ADGRG2: variants seen among roughly 807,000 people sequenced by gnomAD.
ADGRG2 encodes adhesion G protein-coupled receptor G2.
Under a neutral mutation model 74.1 loss-of-function variants are expected in ADGRG2, and 26 were observed. That is an observed-to-expected ratio of 0.35 (90% CI 0.26 to 0.49). The LOEUF (loss-of-function observed/expected upper bound fraction) is 0.49, where lower values mean the gene tolerates loss of function less well. ADGRG2 is among the 20% of genes least tolerant of loss of function. The pLI is 0.99. For synonymous variants in ADGRG2, 296 were observed against 295.2 expected, an observed-to-expected ratio of 1.00 and a Z score of -0.03; for missense variants, 619 against 763.1, an observed-to-expected ratio of 0.81 and a Z score of 2.22.
At chrX:19,114,450 TATTGATTTATCAAGCTCCCCC>T (rs908948167) in intron 1 of ADGRG2, among the ~76,000 whole-genome samples, 1 of 111,425 alleles carries the variant, frequency 9.0e-6, no homozygotes, top group Non-Finnish European at 1.9e-5. Flanking sequence ...TGGACATCGG[TATTGATTTATCAAGCTCCCCC>T]AGTGATTCCA....
rs1398588452 is a variant in ADGRG2, at chrX:19,013,800, T to C, written c.985A>G (p.Met329Val). ...GTGCCGGAGACATGGGTTTGGGGCA[T>C]AGGGGAAGAGATCGTTTCAGACTGT... ...PPQSETISSPMPQTHVSGTPP... is the reference protein window; with the variant it reads ...PPQSETISSPVPQTHVSGTPP... Residue 329 changes from methionine to valine, a missense_variant, in exon 16 of 29, where the codon ATG (methionine) becomes GTG (valine). Around this residue, in one of 3 missense-constraint regions of ADGRG2, gnomAD observed 292 missense variants for 318.0 expected, o/e 0.92. Transcript: ENST00000379869. 56 of 1,197,025 alleles carry C rather than the reference T, an allele frequency of 4.7e-5. No individual in the cohort carries two copies. Among genetic ancestry groups the C allele is most frequent in the Non-Finnish European group, 6.2e-5 (55 of 889,258 alleles).
chrX:19,033,875 C>T (rs1172473711), intron 7 of ADGRG2: 14 of 290,738 alleles, frequency 4.8e-5, no homozygotes, highest in East Asian at 4.4e-4. Context: ...TCCATGTTTA[C>T]GCAGTTAGAT....
Position 19,061,208 on chromosome X carries a change from C to T in ADGRG2, c.118+7509G>A, listed in dbSNP as rs143814560. Among the ~76,000 whole-genome samples, 443 of 111,297 alleles carry T rather than the reference C, an allele frequency of 4.0e-3. 2 individuals carry two copies. The highest frequency in any genetic ancestry group is 0.014 in the African/African-American group (416 of 30,308). ...ACACTGTATCAGAACTGACTGGGTT[C>T]GGATGAGCATAGTACTGCTGATGTA... On this transcript the variant is annotated intron_variant, in intron 3 of 28. Transcript: ENST00000379869.
intron 2 of ADGRG2, among the ~76,000 whole-genome samples, chrX:19,076,442 A>G (rs2061748722): frequency 9.0e-6 from 1 of 111,350 alleles, no homozygotes; most frequent in African/African-American, 3.3e-5. Context: ...TAGGGGTAGT[A>G]CTCTCTACTG....
intron 2 of ADGRG2, among the ~76,000 whole-genome samples, chrX:19,076,477 T>C (rs1872307209): frequency 9.0e-6 from 1 of 111,634 alleles, no homozygotes; most frequent in Non-Finnish European, 1.9e-5. Context: ...ACTTTTACTA[T>C]ATAAAACAGT....
chrX:19,036,450 T>C (rs1312134591), intron 6 of ADGRG2: 1 of 111,750 alleles, frequency 8.9e-6, no homozygotes, highest in Non-Finnish European at 1.9e-5. Context: ...ATGACCATTA[T>C]ATTCGACTAA....
chrX:19,006,306 AC>A, intron 20 of ADGRG2, 41 bp from the exon 21 acceptor site: 1 of 914,364 alleles, frequency 1.1e-6, no homozygotes, highest in Non-Finnish European at 1.5e-6. Flanking sequence ...AATTTACTGA[AC>A]TAAAAAAAAA....
At chrX:19,099,189 G>GT (rs2062148164) in intron 1 of ADGRG2, among the ~76,000 whole-genome samples, 1 of 106,797 alleles carries the variant, frequency 9.4e-6, no homozygotes, top group Admixed American at 9.9e-5. Flanking sequence ...ATCTAAAAAA[G>GT]TTAAAAAAAA....
chrX:18,995,055 C>A lies in ADGRG2; in HGVS notation c.2717-7G>T. 2.6e-6 allele frequency: 3 copies of A among 1,175,738 alleles called. No homozygotes were observed. Among genetic ancestry groups the A allele is most frequent in the Non-Finnish European group, 3.4e-6 (3 of 871,918 alleles). On this transcript the variant is annotated splice_region_variant and splice_polypyrimidine_tract_variant and intron_variant, in intron 27 of 28. Coordinates refer to ENST00000379869, the MANE Select transcript of ADGRG2 (RefSeq NM_001079858.3). ...GTAGCAGTTTTACTCCAGTCTACAG[C>A]AGAATAAGCATTACAGAAAAACAGG...
intron 13 of ADGRG2, among the ~76,000 whole-genome samples, chrX:19,022,220 G>A (rs188062413): frequency 5.8e-4 from 61 of 106,074 alleles, no homozygotes; most frequent in Non-Finnish European, 1.1e-3. Context: ...AGCCGAGATC[G>A]TGCCATTGCA....
Position 19,002,928 on chromosome X carries a change from T to C in ADGRG2, c.2148A>G (p.Ala716=), listed in dbSNP as rs372675779. The C allele has an allele frequency of 3.3e-6, 4 of 1,197,649 alleles. No homozygotes were observed. The African/African-American group carries it at 7.0e-5, about 21-fold the overall frequency. The part of the protein sequence containing the change: ...LVSFTWMGLE[A]FHMYLALVKV... ...TGACAAGGGCCAGGTACATATGGAA[T>C]GCTTCTAGGCCCATCCATGTGAATG... Residue 716 remains alanine (A), a synonymous_variant, in exon 24 of 29, where the codon GCA becomes GCG. Coordinates refer to ENST00000379869, the MANE Select transcript of ADGRG2 (RefSeq NM_001079858.3).
chrX:19,062,802 A>G (rs1354798173), intron 3 of ADGRG2, among the ~76,000 whole-genome samples: 3 of 110,734 alleles, frequency 2.7e-5, no homozygotes, highest in Non-Finnish European at 3.8e-5. Flanking sequence ...AAATGCCTGC[A>G]GCACAGAAAG....
rs1302861026 is a variant in ADGRG2, at chrX:19,108,385, A to G, written c.-47+14057T>C. Among the ~76,000 whole-genome samples the G allele has an allele frequency of 2.7e-5, 3 of 112,018 alleles. No homozygotes were observed. In the East Asian group the frequency reaches 8.3e-4, roughly 31 times the overall value. ...GAGGAGAAAATAATTGACAGTAACC[A>G]TAAAAACTATTAATAATCTATTTAA... On this transcript the variant is annotated intron_variant, in intron 1 of 28. Transcript: ENST00000379869.
At chrX:19,079,821 G>A (rs867532949) in intron 2 of ADGRG2, among the ~76,000 whole-genome samples, 1 of 111,644 alleles carries the variant, frequency 9.0e-6, no homozygotes, top group African/African-American at 3.2e-5. Flanking sequence ...AATATCAGAC[G>A]TGCAAGATTA....
intron 1 of ADGRG2, among the ~76,000 whole-genome samples, chrX:19,085,368 G>A (rs1445478182): frequency 2.7e-5 from 3 of 111,252 alleles, no homozygotes; most frequent in South Asian, 3.8e-4. Flanking sequence ...TTGCCTTGTC[G>A]CCCAGGCTGA....
At chrX:19,032,874 A>G (rs2146701256) in intron 8 of ADGRG2, 1 of 112,073 alleles carries the variant, frequency 8.9e-6, no homozygotes, top group East Asian at 2.8e-4. Flanking sequence ...TTTGTCAAGC[A>G]TGTCTTGTGT....
chrX:19,016,530 AT>A (rs2060473097), intron 15 of ADGRG2, among the ~76,000 whole-genome samples: 1 of 109,086 alleles, frequency 9.2e-6, no homozygotes, highest in Non-Finnish European at 1.9e-5. Flanking sequence ...TTTATTTTTT[AT>A]TTTTTATTAT....
At position 19,023,460 on chromosome X, in the gene ADGRG2, C is replaced by T. The variant is rs769716522; in HGVS notation, c.511-7G>A. 1.1e-5 allele frequency: 12 copies of T among 1,075,208 alleles called. No individual in the cohort carries two copies. Among genetic ancestry groups the T allele is most frequent in the Middle Eastern group, 2.5e-4 (1 of 3,924 alleles). 88.6% of individuals were successfully genotyped at this position (1,075,208 alleles called of 1,213,427 possible). A position where few individuals can be genotyped will look rare whatever the true frequency, so the allele number is the denominator to read the frequency against. On this transcript the variant is annotated splice_region_variant and splice_polypyrimidine_tract_variant and intron_variant, in intron 12 of 28. Coordinates refer to ENST00000379869, the MANE Select transcript of ADGRG2 (RefSeq NM_001079858.3). ...CACACATTATAAAGTAAGTCTGAAACAAAACAAAAAACACGTATACACATA... is the reference window on the plus strand; with the variant it reads ...CACACATTATAAAGTAAGTCTGAAATAAAACAAAAAACACGTATACACATA...
At chrX:19,006,753 A>ATTTTT (rs35276629) in intron 20 of ADGRG2, among the ~76,000 whole-genome samples, 2 of 81,841 alleles carry the variant, frequency 2.4e-5, no homozygotes, top group East Asian at 3.5e-4. Context: ...TAGGTGGTCA[A>ATTTTT]TTTTTTTTTT....
Sources: gnomAD v4.1 joint callset for allele counts (sites outside exome capture counted in the v4.1 genomes callset) on GRCh38, gnomAD v4.1.1 for gene constraint, gnomAD v4.1.1 regional missense constraint, MANE v1.5 for transcripts, NCBI Gene and HGNC (gene_info 2026-07-23, HGNC 2026-07-21) for gene names.